The following VARS1 variants were observed in gnomAD, a reference collection of about 807,000 sequenced individuals.
VARS1 encodes valine--tRNA ligase.
In VARS1, 92 loss-of-function variants were observed where a neutral mutation model predicts 161.0. That is an observed-to-expected ratio of 0.57 (90% confidence interval 0.48 to 0.68). VARS1 has a LOEUF of 0.68. Among genes scored for constraint, VARS1 ranks in the 30% least tolerant of loss-of-function variants. The probability of loss-of-function intolerance (pLI) is 0.00; values close to 1 mark genes in which losing one functional copy is unlikely to be tolerated. For synonymous variants in VARS1, 595 were observed against 682.5 expected, an observed-to-expected ratio of 0.87 and a Z score of 2.00; for missense variants, 1,338 against 1,695.9, an observed-to-expected ratio of 0.79 and a Z score of 3.71.
In VARS1 at chr6:31,794,891, T is replaced by C; in HGVS notation, c.327A>G (p.Pro109=). 6.2e-7 allele frequency: 1 copy of C among 1,612,362 alleles called. No homozygotes were observed. Among genetic ancestry groups the C allele is most frequent in the Non-Finnish European group, 8.5e-7 (1 of 1,179,624 alleles). ...WVSYADTELI[P]AACGATLPAL... is the part of the protein sequence containing the mutation. ...CCGGCAGCGTTGCTCCACAGGCAGC[T>C]GGTATTAACTCCGTGTCGGCGTAAC... The change falls in exon 2 of 30, where the codon CCA becomes CCG. Residue 109 remains proline, a synonymous_variant. Coordinates refer to ENST00000375663, the MANE Select transcript of VARS1 (RefSeq NM_006295.3).
At position 31,777,642 on chromosome 6, in the gene VARS1, C is replaced by T. The variant is rs759617487; in HGVS notation, c.3747G>A (p.Glu1249=). The T allele has an allele frequency of 1.2e-6, 2 of 1,613,768 alleles. No individual in the cohort carries two copies. Among genetic ancestry groups the T allele is most frequent in the Non-Finnish European group, 1.7e-6 (2 of 1,179,914 alleles). The part of the protein sequence containing the change: ...DEAKLQQTEA[E]LRKVDEAIAL... ...CGATGGCCTCATCCACCTTCCTGAG[C>T]TCTGCTTCTGTCTGTTGGAGCTGGA... Residue 1249 remains glutamate (E), a synonymous_variant, in exon 30 of 30, where the codon GAG becomes GAA. Coordinates refer to ENST00000375663, the MANE Select transcript of VARS1 (RefSeq NM_006295.3). The surrounding 1 kb of genome is among the most constrained non-coding windows in gnomAD (Gnocchi z 5.8).
rs1371900674 is a variant in VARS1 at position 31,792,248 on chromosome 6, A to G, written c.840T>C (p.Tyr280=). 1 of 1,613,998 alleles carries G rather than the reference A, an allele frequency of 6.2e-7. No individual in the cohort carries two copies. The highest frequency in any genetic ancestry group is 1.1e-5 in the South Asian group (1 of 91,076). The change falls in exon 6 of 30, where the codon TAT becomes TAC. Residue 280 remains tyrosine, a synonymous_variant. Coordinates refer to ENST00000375663, the MANE Select transcript of VARS1 (RefSeq NM_006295.3). The part of the protein sequence containing the change: ...REKRDPGVIT[Y]DLPTPPGEKK... Reference sequence around the variant, plus strand: ...TTTCCCCGGGTGGGGTTGGGAGGTCATAGGTAATGACCCCAGGATCCCGTT... The same window carrying G: ...TTTCCCCGGGTGGGGTTGGGAGGTCGTAGGTAATGACCCCAGGATCCCGTT...
intron 8 of VARS1, among the ~76,000 whole-genome samples, chr6:31,789,315 A>T (rs1278439833): frequency 6.6e-6 from 1 of 152,236 alleles, no homozygotes; most frequent in Non-Finnish European, 1.5e-5. Context: ...AGATAGATAC[A>T]GACAATTCAC....
At chr6:31,794,484 A>T (rs1814124317) in intron 2 of VARS1, among the ~76,000 whole-genome samples, 1 of 152,116 alleles carries the variant, frequency 6.6e-6, no homozygotes, top group Non-Finnish European at 1.5e-5. Context: ...CTTTTCCTAC[A>T]ATTCAAATAA....
At position 31,791,505 on chromosome 6, in the gene VARS1, A is replaced by T. The variant is rs1813862019; in HGVS notation, c.1100+105T>A. 5 of 1,460,248 alleles carry T rather than the reference A, an allele frequency of 3.4e-6. No homozygotes were observed. The highest frequency in any genetic ancestry group is 1.9e-4 in the Middle Eastern group (1 of 5,326). The allele number at this position is 1,460,248 out of a possible 1,614,324, so 90.5% of individuals were successfully genotyped here. ...GAAGTGTAGCACCACTGGGGGCAGA[A>T]GTGAGCACCAACCCAGAAGGAGAGA... On this transcript the variant is annotated intron_variant, in intron 8 of 29. Transcript: ENST00000375663. The surrounding 1 kb of genome is among the most constrained non-coding windows in gnomAD (Gnocchi z 5.0).
chr6:31,793,541 A>G (rs1225538988), intron 2 of VARS1, among the ~76,000 whole-genome samples: 1 of 152,120 alleles, frequency 6.6e-6, no homozygotes, highest in Non-Finnish European at 1.5e-5. Flanking sequence ...GACTCATCCA[A>G]CAAATCCCTA....
In VARS1 at chr6:31,782,674, T is replaced by A. The variant is rs772085426; in HGVS notation, c.1888-41A>T. On this transcript the variant is annotated intron_variant, in intron 15 of 29. Coordinates refer to ENST00000375663, the MANE Select transcript of VARS1 (RefSeq NM_006295.3). The surrounding 1 kb of genome is among the most constrained non-coding windows in gnomAD (Gnocchi z 8.3). ...GCCTCATCATGGCGATGCCCAGCCA[T>A]CCCTCCATCTCCCTGACCCGGGCAC... 1 of 1,612,822 alleles carries A rather than the reference T, an allele frequency of 6.2e-7. No homozygotes were observed. The highest frequency in any genetic ancestry group is 1.3e-5 in the African/African-American group (1 of 74,904).
chr6:31,777,525 G>C lies in VARS1; in HGVS notation c.*69C>G, dbSNP rs1812815065. 1 of 1,597,446 alleles carries C rather than the reference G, an allele frequency of 6.3e-7. No homozygotes were observed. The highest frequency in any genetic ancestry group is 1.3e-5 in the African/African-American group (1 of 74,526). ...CCACAGACGACAAGAGGATTTTGTG[G>C]GAAAATATTTTATTGCTGCCATCCC... On this transcript the variant is annotated 3_prime_UTR_variant, in exon 30 of 30. Transcript: ENST00000375663. This position sits in a 1 kb window ranked among gnomAD's most constrained non-coding sequence, Gnocchi z 5.8.
In VARS1 at chr6:31,784,272, A is replaced by T; in HGVS notation, c.1613T>A (p.Ile538Asn). 1 of 1,614,106 alleles carries T rather than the reference A, an allele frequency of 6.2e-7. No individual in the cohort carries two copies. Among genetic ancestry groups the T allele is most frequent in the Non-Finnish European group, 8.5e-7 (1 of 1,180,016 alleles). The change falls in exon 13 of 30, where the codon ATC becomes AAC. Residue 538 changes from isoleucine (I) to asparagine (N), a missense_variant. Coordinates refer to ENST00000375663, the MANE Select transcript of VARS1 (RefSeq NM_006295.3). This position sits in a 1 kb window ranked among gnomAD's most constrained non-coding sequence, Gnocchi z 6.1. ...DEEVVVATTR[I>N]ETMLGDVAVA... ...AGCCACATCTCCCAGCATTGTCTCG[A>T]TCCGAGTTGTTGCCACCACCACCTC...
Position 31,794,946 on chromosome 6 carries a change from C to A in VARS1, c.272G>T (p.Arg91Leu). 1 of 1,612,828 alleles carries A rather than the reference C, an allele frequency of 6.2e-7. No homozygotes were observed. Among genetic ancestry groups the A allele is most frequent in the Non-Finnish European group, 8.5e-7 (1 of 1,179,946 alleles). Residue 91 changes from arginine to leucine, a missense_variant, in exon 2 of 30, where the codon CGG becomes CTG. Physicochemically the swap from Arg to Leu is moderately radical, Grantham distance 102. Transcript: ENST00000375663. ...PAGLGGPGGS[R>L]AAVLVQQWVS... is the part of the protein sequence containing the mutation. ...CCACTGTTGGACAAGGACAGCCGCC[C>A]GGCTGCCCCCTGGGCCCCCCAGGCC...
chr6:31,782,361 C>A lies in VARS1; in HGVS notation c.2074G>T (p.Ala692Ser). Residue 692 changes from alanine to serine, a missense_variant, in exon 17 of 30, where the codon GCT (alanine) becomes TCT (serine). Ala to Ser is a moderately conservative substitution (Grantham distance 99). Coordinates refer to ENST00000375663, the MANE Select transcript of VARS1 (RefSeq NM_006295.3). The surrounding 1 kb of genome is among the most constrained non-coding windows in gnomAD (Gnocchi z 8.3). ...CGEMAQAASA[A>S]VTRGDLRILP... ...ATGCGGAGGTCACCCCGAGTCACAG[C>A]GGCGCTGGCAGCCTGGGCCATCTCC... 1.2e-6 allele frequency: 2 copies of A among 1,612,644 alleles called. No homozygotes were observed. The highest frequency in any genetic ancestry group is 1.7e-6 in the Non-Finnish European group (2 of 1,179,856).
At position 31,792,861 on chromosome 6, in the gene VARS1, T is replaced by A; in HGVS notation, c.557A>T (p.Asn186Ile). 6.2e-7 allele frequency: 1 copy of A among 1,614,150 alleles called. No homozygotes were observed. Among genetic ancestry groups the A allele is most frequent in the Non-Finnish European group, 8.5e-7 (1 of 1,180,032 alleles). The part of the protein sequence containing the change: ...LDPPARRIWN[N>I]VTRWFVTCVR... The stretch of plus-strand genomic sequence containing the variant: ...ACACGTGACAAACCAGCGAGTCACA[T>A]TATTCCAGATCCGGCGGGCAGGTGG... The change falls in exon 4 of 30, where the codon AAT (asparagine) becomes ATT (isoleucine). Residue 186 changes from asparagine (N) to isoleucine (I), a missense_variant. This residue lies in a region of VARS1 where 902 missense variants were observed against 1,090.3 expected (regional missense o/e 0.83). Coordinates refer to ENST00000375663, the MANE Select transcript of VARS1 (RefSeq NM_006295.3).
Position 31,782,884 on chromosome 6 carries a change from C to A in VARS1, c.1763-39G>T. The A allele has an allele frequency of 6.3e-7, 1 of 1,590,666 alleles. No individual in the cohort carries two copies. Among genetic ancestry groups the A allele is most frequent in the South Asian group, 1.2e-5 (1 of 86,710 alleles). On this transcript the variant is annotated intron_variant, in intron 14 of 29. Coordinates refer to ENST00000375663, the MANE Select transcript of VARS1 (RefSeq NM_006295.3). The surrounding 1 kb of genome is among the most constrained non-coding windows in gnomAD (Gnocchi z 8.3). ...AGGATGCCCAGGTCATGAGGGACTC[C>A]ACGGAGTTCCTTCCTACACTCACCT...
chr6:31,781,428 G>A lies in VARS1; in HGVS notation c.2544+53C>T. On this transcript the variant is annotated intron_variant, in intron 21 of 29. Transcript: ENST00000375663. This position sits in a 1 kb window ranked among gnomAD's most constrained non-coding sequence, Gnocchi z 6.8. The stretch of plus-strand genomic sequence containing the variant: ...ACGCGGGGTCTGCGCTGCAGCACAG[G>A]ACGGTAGGAGAGGAGGCTGGGGGCG... 2 of 1,598,966 alleles carry A rather than the reference G, an allele frequency of 1.3e-6. No individual in the cohort carries two copies. Among genetic ancestry groups the A allele is most frequent in the Non-Finnish European group, 1.7e-6 (2 of 1,175,250 alleles).
rs777164191 is a variant in VARS1, at chr6:31,785,688, G to A, written c.1146C>T (p.Asp382=). The change falls in exon 9 of 30, where the codon GAC becomes GAT. Residue 382 remains aspartate (D), a synonymous_variant. Coordinates refer to ENST00000375663, the MANE Select transcript of VARS1 (RefSeq NM_006295.3). This position sits in a 1 kb window ranked among gnomAD's most constrained non-coding sequence, Gnocchi z 6.1. ...CCACCTGGGTGGCAATACCTGCATG[G>A]TCACAGCCAGGGTTCCACAGGGTGG... ...GETTLWNPGC[D]HAGIATQVVV... is the part of the protein sequence containing the mutation. 2.9e-5 allele frequency: 47 copies of A among 1,612,832 alleles called. No homozygotes were observed. The Admixed American group carries it at 4.2e-4, about 14-fold the overall frequency.
Position 31,794,942 on chromosome 6 carries a change from C to T in VARS1, c.276G>A (p.Ala92=). 1 of 1,612,884 alleles carries T rather than the reference C, an allele frequency of 6.2e-7. No homozygotes were observed. Among genetic ancestry groups the T allele is most frequent in the Non-Finnish European group, 8.5e-7 (1 of 1,179,956 alleles). The part of the protein sequence containing the change: ...AGLGGPGGSR[A]AVLVQQWVSY... ...TGACCCACTGTTGGACAAGGACAGC[C>T]GCCCGGCTGCCCCCTGGGCCCCCCA... Residue 92 remains alanine (A), a synonymous_variant, in exon 2 of 30, where the codon GCG becomes GCA. Transcript: ENST00000375663.
chr6:31,784,829 G>A lies in VARS1; in HGVS notation c.1348-115C>T. On this transcript the variant is annotated intron_variant, in intron 10 of 29. Transcript: ENST00000375663. The surrounding 1 kb of genome is among the most constrained non-coding windows in gnomAD (Gnocchi z 6.1). Reference sequence around the variant, plus strand: ...ACAGAGTCCCACTGGCCAGCACAAAGACCCCTCTGAGGGGAGTACTTTCCT... The same window carrying A: ...ACAGAGTCCCACTGGCCAGCACAAAAACCCCTCTGAGGGGAGTACTTTCCT... 1 of 1,487,190 alleles carries A rather than the reference G, an allele frequency of 6.7e-7. No individual in the cohort carries two copies. Among genetic ancestry groups the A allele is most frequent in the Non-Finnish European group, 9.1e-7 (1 of 1,093,144 alleles). 92.1% of individuals were successfully genotyped at this position (1,487,190 alleles called of 1,614,324 possible). A position where few individuals can be genotyped will look rare whatever the true frequency, so the allele number is the denominator to read the frequency against.
chr6:31,785,217 G>GC lies in VARS1; in HGVS notation c.1347+28dup. ...CCACCCTGGGGAGACTCCTACTCCT[G>GC]CCCCAGCTTTGACACTCCTCCCACG... On this transcript the variant is annotated intron_variant, in intron 10 of 29. Coordinates refer to ENST00000375663, the MANE Select transcript of VARS1 (RefSeq NM_006295.3). The surrounding 1 kb of genome is among the most constrained non-coding windows in gnomAD (Gnocchi z 6.1). The GC allele has an allele frequency of 6.2e-7, 1 of 1,612,400 alleles. No individual in the cohort carries two copies. Among genetic ancestry groups the GC allele is most frequent in the Non-Finnish European group, 8.5e-7 (1 of 1,179,470 alleles).
rs2151422030 is a variant in VARS1 at position 31,782,774 on chromosome 6, T to C, written c.1834A>G (p.Ile612Val). 6.2e-7 allele frequency: 1 copy of C among 1,613,050 alleles called. No homozygotes were observed. Among genetic ancestry groups the C allele is most frequent in the Non-Finnish European group, 8.5e-7 (1 of 1,180,020 alleles). The change falls in exon 15 of 30, where the codon ATC becomes GTC. Residue 612 changes from isoleucine (I) to valine (V), a missense_variant. This residue lies in a region of VARS1 where 902 missense variants were observed against 1,090.3 expected (regional missense o/e 0.83). Coordinates refer to ENST00000375663, the MANE Select transcript of VARS1 (RefSeq NM_006295.3). The surrounding 1 kb of genome is among the most constrained non-coding windows in gnomAD (Gnocchi z 8.3). ...EVGQRHGLEA[I>V]SIMDSRGALI... Reference sequence around the variant, plus strand: ...GCCCCCCGGGAGTCCATGATGCTGATGGCCTCCAGCCCGTGCCGCTGCCCA... The same window carrying C: ...GCCCCCCGGGAGTCCATGATGCTGACGGCCTCCAGCCCGTGCCGCTGCCCA...
Sources: allele counts gnomAD v4.1 joint callset (sites outside exome capture counted in the v4.1 genomes callset), GRCh38; gene constraint gnomAD v4.1.1; regional missense constraint gnomAD v4.1.1; non-coding constraint Gnocchi (gnomAD v3.1); transcripts MANE v1.5; gene names NCBI Gene and HGNC (gene_info 2026-07-23, HGNC 2026-07-21).